RAPGEF6: variants seen among roughly 807,000 people sequenced by gnomAD.
RAPGEF6 encodes the protein Rap guanine nucleotide exchange factor 6.
In RAPGEF6, 56 loss-of-function variants were observed where a neutral mutation model predicts 171.4. That is an observed-to-expected ratio of 0.33 (90% CI 0.26 to 0.41). The LOEUF (loss-of-function observed/expected upper bound fraction) is 0.41. RAPGEF6 is among the 10% of genes least tolerant of loss of function. RAPGEF6 has a pLI of 1.00. For missense variants in RAPGEF6, 1,674 were observed against 1,921.4 expected, an observed-to-expected ratio of 0.87 and a Z score of 2.41; for synonymous variants, 692 against 650.1, an observed-to-expected ratio of 1.06 and a Z score of -0.98.
chr5:131,455,401 G>A (rs1753415145), intron 20 of RAPGEF6, among the ~76,000 whole-genome samples: 1 of 152,276 alleles, frequency 6.6e-6, no homozygotes, highest in East Asian at 1.9e-4. Context: ...TGGAACTACA[G>A]GCGGCCGCCA....
At chr5:131,547,215 G>C (rs1760607497) in intron 6 of RAPGEF6, among the ~76,000 whole-genome samples, 1 of 152,166 alleles carries the variant, frequency 6.6e-6, no homozygotes, top group Admixed American at 6.6e-5. Flanking sequence ...AACATGGAAT[G>C]AATAAATATC....
At chr5:131,619,929 G>A (rs575722292) in intron 1 of RAPGEF6, among the ~76,000 whole-genome samples, 5 of 152,288 alleles carry the variant, frequency 3.3e-5, no homozygotes, top group African/African-American at 4.8e-5. Flanking sequence ...CAATTTCCCC[G>A]TATGTAAAAT....
intron 7 of RAPGEF6, 118 bp from the exon 8 acceptor site, chr5:131,510,609 T>A: frequency 1.1e-6 from 1 of 870,622 alleles, no homozygotes; most frequent in South Asian, 1.9e-5. Context: ...CAACGCTGGA[T>A]GCTGCATCAA....
chr5:131,616,778 C>CA (rs974853583), intron 1 of RAPGEF6, among the ~76,000 whole-genome samples: 29 of 146,038 alleles, frequency 2.0e-4, no homozygotes, highest in Non-Finnish European at 4.1e-4. Context: ...CCACCCCCAG[C>CA]TTTTTTTTTT....
chr5:131,481,020 C>T (rs1294915641), intron 15 of RAPGEF6, among the ~76,000 whole-genome samples: 1 of 151,816 alleles, frequency 6.6e-6, no homozygotes, highest in Non-Finnish European at 1.5e-5. Context: ...CAACCTTCAC[C>T]TCCTGGGTTC....
At chr5:131,552,664 T>A (rs1760992759) in intron 5 of RAPGEF6, among the ~76,000 whole-genome samples, 1 of 152,062 alleles carries the variant, frequency 6.6e-6, no homozygotes, top group African/African-American at 2.4e-5. Context: ...TTTCACCATG[T>A]TGGCCAGGCT....
chr5:131,433,714 G>T, intron 24 of RAPGEF6, 56 bp from the exon 25 acceptor site: 1 of 1,285,350 alleles, frequency 7.8e-7, no homozygotes, highest in South Asian at 1.3e-5. Context: ...TATGGTGGGG[G>T]TAGTAGGGGA....
rs1164129516 is a variant in RAPGEF6 at position 131,425,235 on chromosome 5, T to C, written c.*2031A>G. On this transcript the variant is annotated 3_prime_UTR_variant, in exon 28 of 28. Transcript: ENST00000509018. ...GACAAAGACAGGTAAGGCTTCCATT[T>C]GGTTTGAAAGACCTGCTAAATAAAG... 1 of 152,388 alleles carries C rather than the reference T, an allele frequency of 6.6e-6. No homozygotes were observed. Among genetic ancestry groups the C allele is most frequent in the African/African-American group, 2.4e-5 (1 of 41,462 alleles). 9.4% of individuals were successfully genotyped at this position (152,388 alleles called of 1,614,324 possible).
At chr5:131,599,083 G>A (rs1459766458) in intron 3 of RAPGEF6, among the ~76,000 whole-genome samples, 2 of 152,196 alleles carry the variant, frequency 1.3e-5, no homozygotes, top group Non-Finnish European at 2.9e-5. Flanking sequence ...GGCAGAGACG[G>A]GCGGATTACT....
At chr5:131,517,780 T>TACACACACAC (rs36091456) in intron 7 of RAPGEF6, among the ~76,000 whole-genome samples, 40 of 140,492 alleles carry the variant, frequency 2.8e-4, no homozygotes, top group South Asian at 9.5e-4. Context: ...TTCGCGCATG[T>TACACACACAC]ACACACACAC....
intron 6 of RAPGEF6, among the ~76,000 whole-genome samples, chr5:131,523,713 G>A (rs1758665514): frequency 6.6e-6 from 1 of 151,990 alleles, no homozygotes. Context: ...GAAGCAAGAT[G>A]ATAGCTAAGC....
rs7727655 is a variant in RAPGEF6, at chr5:131,499,539, C to T, written c.1255-932G>A. 2.6e-3 allele frequency among the ~76,000 whole-genome samples: 373 copies of T among 145,990 alleles called. 3 individuals are homozygous for T. The highest frequency in any genetic ancestry group is 9.3e-3 in the African/African-American group (365 of 39,418). Reference sequence around the variant, plus strand: ...GAGGTTGCAGAGAGCGGAGATCATGCCACTGCACTCCAGCTGGGGCGACAA... The same window carrying T: ...GAGGTTGCAGAGAGCGGAGATCATGTCACTGCACTCCAGCTGGGGCGACAA... On this transcript the variant is annotated intron_variant, in intron 11 of 27. Transcript: ENST00000509018.
At chr5:131,487,357 G>C (rs1276666598) in intron 15 of RAPGEF6, among the ~76,000 whole-genome samples, 1 of 152,066 alleles carries the variant, frequency 6.6e-6, no homozygotes, top group Non-Finnish European at 1.5e-5. Flanking sequence ...GCTGGCTGGG[G>C]TGGCCAGCTT....
intron 7 of RAPGEF6, among the ~76,000 whole-genome samples, chr5:131,516,000 T>C (rs538330946): frequency 6.8e-6 from 1 of 146,630 alleles, no homozygotes; most frequent in South Asian, 2.2e-4. Context: ...TTAAAAATGA[T>C]AGTCAAAAGA....
intron 17 of RAPGEF6, among the ~76,000 whole-genome samples, chr5:131,471,779 AAAC>A (rs1419028365): frequency 6.6e-6 from 1 of 152,254 alleles, no homozygotes; most frequent in Non-Finnish European, 1.5e-5. Flanking sequence ...CTGGAAGTCC[AAAC>A]AACAATGAAA....
At chr5:131,552,389 TA>T (rs1233158804) in intron 5 of RAPGEF6, among the ~76,000 whole-genome samples, 2 of 151,674 alleles carry the variant, frequency 1.3e-5, no homozygotes, top group East Asian at 3.9e-4. Context: ...GCAAGTAAAC[TA>T]AAAGAGATTC....
At chr5:131,606,821 G>A (rs1764626847) in intron 1 of RAPGEF6, among the ~76,000 whole-genome samples, 1 of 152,182 alleles carries the variant, frequency 6.6e-6, no homozygotes, top group South Asian at 2.1e-4. Context: ...AGGCAGAAAG[G>A]CCACATGGAA....
In RAPGEF6 at chr5:131,541,784, CA is replaced by C. The variant is rs575762392; in HGVS notation, c.495+6262del. The stretch of plus-strand genomic sequence containing the variant: ...TTTTGTATTCATTATGAAATATACA[CA>C]AAATCCCTAGAAACTTTAAAGGGTA... On this transcript the variant is annotated intron_variant, in intron 6 of 27. Transcript: ENST00000509018. Among the ~76,000 whole-genome samples, 464 of 152,298 alleles carry C rather than the reference CA, an allele frequency of 3.0e-3. 2 individuals are homozygous for C. The highest frequency in any genetic ancestry group is 0.01 in the African/African-American group (432 of 41,570).
intron 1 of RAPGEF6, among the ~76,000 whole-genome samples, chr5:131,611,501 G>A (rs1209763360): frequency 1.3e-5 from 2 of 152,030 alleles, no homozygotes; most frequent in African/African-American, 2.4e-5. Context: ...GTGAAACCCC[G>A]TCTCTACTAA....
Sources: gnomAD v4.1 joint callset for allele counts (sites outside exome capture counted in the v4.1 genomes callset) on GRCh38, gnomAD v4.1.1 for gene constraint, MANE v1.5 for transcripts, NCBI Gene and HGNC (gene_info 2026-07-23, HGNC 2026-07-21) for gene names.